Variants in DSCAM observed in about 807,000 individuals in gnomAD.
DSCAM encodes cell adhesion molecule DSCAM.
Under a neutral mutation model 217.7 loss-of-function variants are expected in DSCAM, and 47 were observed. That is an observed-to-expected ratio of 0.22 (90% CI 0.17 to 0.28). DSCAM has a LOEUF of 0.28. DSCAM is among the 10% of genes least tolerant of loss of function. The pLI is 1.00. For missense variants in DSCAM, 2,080 were observed against 2,618.3 expected (o/e 0.79, Z 4.49); for synonymous variants, 1,056 against 1,015.3 (o/e 1.04, Z -0.76).
chr21:40,664,558 G>A (rs1330055710), intron 3 of DSCAM, among the ~76,000 whole-genome samples: 1 of 152,160 alleles, frequency 6.6e-6, no homozygotes, highest in African/African-American at 2.4e-5. Flanking sequence ...GAATTGCATT[G>A]CAAATTCATT....
intron 20 of DSCAM, among the ~76,000 whole-genome samples, chr21:40,123,970 A>G (rs575966849): frequency 1.3e-5 from 2 of 152,284 alleles, no homozygotes; most frequent in South Asian, 4.1e-4. Context: ...CACCAAATAA[A>G]CAATAATTCC....
chr21:40,220,611 T>C (rs1035356749), intron 11 of DSCAM, among the ~76,000 whole-genome samples: 5 of 152,200 alleles, frequency 3.3e-5, no homozygotes, highest in African/African-American at 7.2e-5. Context: ...ACTCTAACAC[T>C]GTATAATCTT....
chr21:40,353,208 C>G (rs1446511687), intron 5 of DSCAM, among the ~76,000 whole-genome samples: 3 of 152,098 alleles, frequency 2.0e-5, no homozygotes, highest in African/African-American at 7.2e-5. Context: ...AGTCTGTGGC[C>G]TAATGGAAAT....
At chr21:40,334,488 C>T (rs552721646) in intron 8 of DSCAM, among the ~76,000 whole-genome samples, 10 of 152,192 alleles carry the variant, frequency 6.6e-5, no homozygotes, top group South Asian at 4.1e-4. Context: ...GAAATAGATC[C>T]GGAGTCTGTC....
At chr21:40,558,195 T>TA (rs2076687571) in intron 3 of DSCAM, among the ~76,000 whole-genome samples, 1 of 152,154 alleles carries the variant, frequency 6.6e-6, no homozygotes, top group African/African-American at 2.4e-5. Context: ...CAGTTGTCAT[T>TA]AAAATGATCT....
At chr21:40,496,184 A>G (rs1052754129) in intron 3 of DSCAM, among the ~76,000 whole-genome samples, 1 of 152,182 alleles carries the variant, frequency 6.6e-6, no homozygotes, top group African/African-American at 2.4e-5. Flanking sequence ...TAAAATGTAT[A>G]TGAAACCCCA....
chr21:40,572,092 GTGTGT>G (rs746463692), intron 3 of DSCAM, among the ~76,000 whole-genome samples: 1 of 97,534 alleles, frequency 1.0e-5, no homozygotes, highest in Admixed American at 9.2e-5. Context: ...GTGGGTGTGT[GTGTGT>G]GTGTGTGTGT....
rs202102721 is a variant in DSCAM at position 40,024,544 on chromosome 21, G to A, written c.5687-11158C>T. Among the ~76,000 whole-genome samples the A allele has an allele frequency of 2.4e-4, 14 of 58,080 alleles. 6 individuals carry two copies. Among genetic ancestry groups the A allele is most frequent in the African/African-American group, 9.3e-4 (14 of 15,126 alleles). 38.1% of individuals were successfully genotyped at this position (58,080 alleles called of 152,430 possible). A position where few individuals can be genotyped will look rare whatever the true frequency, so the allele number is the denominator to read the frequency against. ...ATTTGTTTGTATCCTCTTTTATTTC[G>A]TTGAGCAGTGGTTTGTAGTTCTCCT... On this transcript the variant is annotated intron_variant, in intron 32 of 32. Transcript: ENST00000400454.
intron 3 of DSCAM, among the ~76,000 whole-genome samples, chr21:40,499,146 T>C (rs149581449): frequency 6.6e-6 from 1 of 152,136 alleles, no homozygotes; most frequent in African/African-American, 2.4e-5. Flanking sequence ...ACAGACTACT[T>C]TGAAATAAGT....
chr21:40,205,586 G>C (rs2091115477), intron 11 of DSCAM, among the ~76,000 whole-genome samples: 1 of 138,096 alleles, frequency 7.2e-6, no homozygotes. Flanking sequence ...TTGGGTGACA[G>C]AGCAAGACTC....
chr21:40,590,125 T>A (rs1486930539), intron 3 of DSCAM, among the ~76,000 whole-genome samples: 1 of 152,128 alleles, frequency 6.6e-6, no homozygotes, highest in African/African-American at 2.4e-5. Flanking sequence ...AACTAAGAAA[T>A]AGACCCAAAG....
intron 3 of DSCAM, among the ~76,000 whole-genome samples, chr21:40,529,826 CTT>C (rs796355926): frequency 1.3e-5 from 2 of 152,234 alleles, no homozygotes; most frequent in African/African-American, 4.8e-5. Flanking sequence ...GGGTATCCCT[CTT>C]TCTTTCCTTT....
chr21:40,167,280 C>T lies in DSCAM; in HGVS notation c.2956G>A (p.Gly986Ser). The T allele has an allele frequency of 6.2e-7, 1 of 1,613,872 alleles. No homozygotes were observed. The highest frequency in any genetic ancestry group is 8.5e-7 in the Non-Finnish European group (1 of 1,179,992). ...TCCAGGTGAACTTCCTGAGGTGGAC[C>T]ATCAGGAGCTGTAAGGACCAAAAAC... ...TITADEAAPD[G>S]PPQEVHLEPI... is the part of the protein sequence containing the mutation. Residue 986 changes from glycine to serine, a missense_variant, in exon 16 of 33, where the codon GGT (glycine) becomes AGT (serine). Around this residue, in one of 5 missense-constraint regions of DSCAM, gnomAD observed 1,144 missense variants for 1,421.1 expected, o/e 0.81. Transcript: ENST00000400454.
chr21:40,536,392 G>A (rs909979156), intron 3 of DSCAM, among the ~76,000 whole-genome samples: 6 of 150,896 alleles, frequency 4.0e-5, no homozygotes, highest in Non-Finnish European at 8.9e-5. Flanking sequence ...AAAGCTGACC[G>A]GTAGAGTCTT....
intron 20 of DSCAM, among the ~76,000 whole-genome samples, chr21:40,094,252 G>A (rs572351550): frequency 1.3e-5 from 2 of 152,288 alleles, no homozygotes; most frequent in Admixed American, 1.3e-4. Flanking sequence ...ATAAATGACA[G>A]TGATCTCTGA....
chr21:40,606,780 C>A (rs1215485651), intron 3 of DSCAM, among the ~76,000 whole-genome samples: 2 of 152,210 alleles, frequency 1.3e-5, no homozygotes, highest in African/African-American at 4.8e-5. Flanking sequence ...TGTCATCACC[C>A]AAAACTTATC....
chr21:40,681,237 G>A (rs2090397129), intron 3 of DSCAM, among the ~76,000 whole-genome samples: 1 of 152,238 alleles, frequency 6.6e-6, no homozygotes, highest in South Asian at 2.1e-4. Context: ...TGAAATGCAG[G>A]TGAAGCAGCT....
intron 1 of DSCAM, among the ~76,000 whole-genome samples, chr21:40,753,516 T>C (rs1052135818): frequency 2.2e-4 from 33 of 152,230 alleles, no homozygotes; most frequent in Admixed American, 2.2e-3. Context: ...CACCTTTAGA[T>C]GTATATTATA....
At chr21:40,081,566 G>A (rs1450781491) in intron 24 of DSCAM, among the ~76,000 whole-genome samples, 4 of 151,944 alleles carry the variant, frequency 2.6e-5, no homozygotes, top group African/African-American at 9.7e-5. Context: ...TACCTGACAG[G>A]TGATACCTGT....
Sources: allele counts gnomAD v4.1 joint callset (sites outside exome capture counted in the v4.1 genomes callset), GRCh38; gene constraint gnomAD v4.1.1; regional missense constraint gnomAD v4.1.1; transcripts MANE v1.5; gene names NCBI Gene and HGNC (gene_info 2026-07-23, HGNC 2026-07-21).